Variants in KLRG1 observed in about 807,000 individuals in gnomAD.
KLRG1 encodes the protein killer cell lectin-like receptor subfamily G member 1.
In KLRG1, 16 loss-of-function variants were observed where a neutral mutation model predicts 21.8. The observed-to-expected ratio is 0.73, with a 90% CI of 0.50 to 1.11. KLRG1 has a LOEUF of 1.11. Among genes scored for constraint, KLRG1 ranks in the 50% most tolerant of loss-of-function variants. The pLI, the probability that KLRG1 is intolerant of heterozygous loss-of-function variation, is 0.00. For synonymous variants in KLRG1, 69 were observed against 75.9 expected (o/e 0.91, Z 0.47); for missense variants, 173 against 218.3 (o/e 0.79, Z 1.31).
At chr12:8,987,006 A>G (rs1312843538), upstream of KLRG1, among the ~76,000 whole-genome samples, 1 of 152,122 alleles carries the variant, frequency 6.6e-6, no homozygotes, top group Non-Finnish European at 1.5e-5. Context: ...AGATGCCACT[A>G]TGCTTCCTGT....
chr12:9,077,385 A>G, the KLRG1 span: 1 of 1,613,584 alleles, frequency 6.2e-7, no homozygotes, highest in African/African-American at 1.3e-5. Context: ...CGATGGTGAT[A>G]TAGGCGGAGA....
chr12:9,021,892 C>G, the KLRG1 span, among the ~76,000 whole-genome samples: 9 of 152,088 alleles, frequency 5.9e-5, no homozygotes, highest in Admixed American at 2.0e-4. Flanking sequence ...AAGGACCTGC[C>G]TGAGGCTGTT....
At chr12:9,014,277 A>AC (rs1463187021), downstream of KLRG1, among the ~76,000 whole-genome samples, 8 of 152,200 alleles carry the variant, frequency 5.3e-5, no homozygotes, top group African/African-American at 1.9e-4. Flanking sequence ...TAGAACACCA[A>AC]GTAGACTTAA....
At chr12:9,035,975 G>T in the KLRG1 span, among the ~76,000 whole-genome samples, 1 of 152,140 alleles carries the variant, frequency 6.6e-6, no homozygotes, top group African/African-American at 2.4e-5. Context: ...TGGAACAAAA[G>T]ACACTGAGGG....
chr12:8,997,441 G>A (rs1489218885), intron 3 of KLRG1, among the ~76,000 whole-genome samples: 1 of 152,052 alleles, frequency 6.6e-6, no homozygotes, highest in Non-Finnish European at 1.5e-5. Flanking sequence ...ATACTATTTT[G>A]AGGTATGTAC....
the KLRG1 span, among the ~76,000 whole-genome samples, chr12:9,134,631 G>T: frequency 1.1e-4 from 16 of 152,092 alleles, no homozygotes; most frequent in Admixed American, 8.5e-4. Context: ...TATGAATTTG[G>T]CTGTTTTAGA....
chr12:9,108,816 G>T, the KLRG1 span, among the ~76,000 whole-genome samples: 1 of 152,230 alleles, frequency 6.6e-6, no homozygotes, highest in Non-Finnish European at 1.5e-5. Context: ...ACCCGCCTTA[G>T]GTGGACTAGT....
At chr12:9,000,026 C>T (rs1346538569) in intron 3 of KLRG1, among the ~76,000 whole-genome samples, 1 of 152,076 alleles carries the variant, frequency 6.6e-6, no homozygotes, top group Admixed American at 6.6e-5. Context: ...CAGAGTGATA[C>T]TCTGTCTCAA....
chr12:9,124,341 C>G, the KLRG1 span, among the ~76,000 whole-genome samples: 1 of 152,272 alleles, frequency 6.6e-6, no homozygotes, highest in African/African-American at 2.4e-5. Flanking sequence ...CTGCAGCTGC[C>G]CAAACCGAGG....
At chr12:9,139,582 A>G in the KLRG1 span, among the ~76,000 whole-genome samples, 7 of 151,946 alleles carry the variant, frequency 4.6e-5, no homozygotes, top group African/African-American at 1.5e-4. Context: ...TGTTTTTCCA[A>G]TGTTTGCTTT....
the KLRG1 span, among the ~76,000 whole-genome samples, chr12:9,133,060 T>C: frequency 6.6e-6 from 1 of 152,168 alleles, no homozygotes; most frequent in East Asian, 1.9e-4. Flanking sequence ...TGTGGGTTTT[T>C]TTTTCATTTT....
chr12:9,036,455 TTG>T, the KLRG1 span: 1 of 166,822 alleles, frequency 6.0e-6, no homozygotes, highest in African/African-American at 2.4e-5. Context: ...TGGTTTGGGG[TTG>T]GTAAAACTGG....
At chr12:9,213,363 A>G in the KLRG1 span, among the ~76,000 whole-genome samples, 1 of 152,172 alleles carries the variant, frequency 6.6e-6, no homozygotes, top group Non-Finnish European at 1.5e-5. Context: ...TGTGGGTCAT[A>G]TGGTAGCTCA....
At chr12:9,166,101 C>A in the KLRG1 span, 1 of 1,612,752 alleles carries the variant, frequency 6.2e-7, no homozygotes. Context: ...TAGCTTCGCA[C>A]CGTTTCAGGG....
the KLRG1 span, chr12:9,157,271 T>G: frequency 6.2e-7 from 1 of 1,614,058 alleles, no homozygotes; most frequent in Non-Finnish European, 8.5e-7. Flanking sequence ...AATGCCTTGG[T>G]GTAGACATGG....
the KLRG1 span, chr12:9,077,836 C>T: frequency 6.2e-7 from 1 of 1,614,104 alleles, no homozygotes. Context: ...GGGCAAAAGT[C>T]TTCAGAACAA....
chr12:9,115,877 A>C, the KLRG1 span: 783,000 of 1,583,780 alleles, frequency 0.49, 201,272 homozygotes, highest in African/African-American at 0.77. Context: ...CTGGAGGAGA[A>C]CAGACTGTAT....
the KLRG1 span, chr12:9,037,355 G>A: frequency 2.0e-5 from 3 of 152,270 alleles, no homozygotes; most frequent in Non-Finnish European, 2.9e-5. Context: ...CTCTAAACAA[G>A]AGCTATATTT....
At chr12:9,067,588 AT>A in the KLRG1 span, 14 of 592,386 alleles carry the variant, frequency 2.4e-5, no homozygotes, top group East Asian at 6.4e-5. Flanking sequence ...TCACTGTATC[AT>A]TTTTTTGTAT....
Sources: gnomAD v4.1 joint callset for allele counts (sites outside exome capture counted in the v4.1 genomes callset) on GRCh38, gnomAD v4.1.1 for gene constraint, MANE v1.5 for transcripts, NCBI Gene and HGNC (gene_info 2026-07-23, HGNC 2026-07-21) for gene names.